The following XXYLT1 variants were observed in gnomAD, a reference collection of about 807,000 sequenced individuals.
XXYLT1 encodes UDP-xylose:alpha-xyloside alpha-1,3-xylosyltransferase.
In XXYLT1, 20 loss-of-function variants were observed where a neutral mutation model predicts 28.9. The observed-to-expected ratio is 0.69, with a 90% CI of 0.49 to 1.00. The LOEUF (loss-of-function observed/expected upper bound fraction) is 1.00. Among genes scored for constraint, XXYLT1 ranks in the 50% least tolerant of loss-of-function variants. The pLI, the probability that XXYLT1 is intolerant of heterozygous loss-of-function variation, is 0.00. For synonymous variants in XXYLT1, 257 were observed against 253.8 expected (o/e 1.01, Z -0.12); for missense variants, 542 against 560.1 (o/e 0.97, Z 0.33).
In XXYLT1 at chr3:195,244,810, C is replaced by T. The variant is rs576447265; in HGVS notation, c.505-17954G>A. On this transcript the variant is annotated intron_variant, in intron 1 of 3. Coordinates refer to ENST00000310380, the MANE Select transcript of XXYLT1 (RefSeq NM_152531.5). ...CATGTTTCATTTAAAAATTTTTAAACTTTAGATCATTATGACAAATACAAC... is the reference window on the plus strand; with the variant it reads ...CATGTTTCATTTAAAAATTTTTAAATTTTAGATCATTATGACAAATACAAC... Among the ~76,000 whole-genome samples the T allele has an allele frequency of 2.4e-5, 3 of 125,386 alleles. No homozygotes were observed. In the South Asian group the frequency reaches 8.6e-4, roughly 36 times the overall value. 82.3% of individuals were successfully genotyped at this position (125,386 alleles called of 152,430 possible). A position where few individuals can be genotyped will look rare whatever the true frequency, so the allele number is the denominator to read the frequency against.
rs183852276 is a variant in XXYLT1, at chr3:195,098,478, G to A, written c.786-28367C>T. On this transcript the variant is annotated intron_variant, in intron 3 of 3. Coordinates refer to ENST00000310380, the MANE Select transcript of XXYLT1 (RefSeq NM_152531.5). ...TGAGGCAGGAGAATGGCGTGAACCC[G>A]GGAGGCGGAGCTTGCAGTGAGCGGA... Among the ~76,000 whole-genome samples the A allele has an allele frequency of 7.1e-3, 1,079 of 152,316 alleles. 11 individuals are homozygous for A. The highest frequency in any genetic ancestry group is 0.024 in the African/African-American group (1,009 of 41,560).
At position 195,069,774 on chromosome 3, in the gene XXYLT1, A is replaced by G; in HGVS notation, c.1123T>C (p.Cys375Arg). 1 of 1,614,056 alleles carries G rather than the reference A, an allele frequency of 6.2e-7. No individual in the cohort carries two copies. The highest frequency in any genetic ancestry group is 8.5e-7 in the Non-Finnish European group (1 of 1,180,010). The change falls in exon 4 of 4, where the codon TGT becomes CGT. Residue 375 changes from cysteine (C) to arginine (R), a missense_variant. Cys to Arg is a radical substitution (Grantham distance 180). Transcript: ENST00000310380. Reference protein sequence around the residue: ...YSDVFEAYFRCEGHVKIYHGN... With the variant: ...YSDVFEAYFRREGHVKIYHGN... Reference sequence around the variant, plus strand: ...TGGTAGATCTTGACGTGGCCCTCACACCTGAAATAGGCCTCGAAGACGTCA... The same window carrying G: ...TGGTAGATCTTGACGTGGCCCTCACGCCTGAAATAGGCCTCGAAGACGTCA...
chr3:195,073,092 C>T (rs879770464), intron 3 of XXYLT1, among the ~76,000 whole-genome samples: 26 of 152,356 alleles, frequency 1.7e-4, no homozygotes, highest in Non-Finnish European at 3.7e-4. Context: ...AGAAAGGGAA[C>T]AGAGGTCCTC....
At chr3:195,138,399 A>G (rs1483802197) in intron 3 of XXYLT1, among the ~76,000 whole-genome samples, 1 of 152,180 alleles carries the variant, frequency 6.6e-6, no homozygotes, top group East Asian at 1.9e-4. Context: ...GTCCTTGACT[A>G]ATAAGGTCAT....
intron 2 of XXYLT1, among the ~76,000 whole-genome samples, chr3:195,159,932 CG>C (rs950805081): frequency 3.3e-5 from 5 of 152,132 alleles, no homozygotes; most frequent in African/African-American, 1.2e-4. Context: ...TCTGTCAAAG[CG>C]CTCTTCTCCA....
rs528470080 is a variant in XXYLT1 at position 195,176,526 on chromosome 3, C to T, written c.653-19945G>A. Reference sequence around the variant, plus strand: ...TTCAAACACAACAATCTTGCTTGTGCGCCATCAGTACGTTCCACCCCTCTG... The same window carrying T: ...TTCAAACACAACAATCTTGCTTGTGTGCCATCAGTACGTTCCACCCCTCTG... On this transcript the variant is annotated intron_variant, in intron 2 of 3. Coordinates refer to ENST00000310380, the MANE Select transcript of XXYLT1 (RefSeq NM_152531.5). The surrounding 1 kb of genome is among the most constrained non-coding windows in gnomAD (Gnocchi z 4.9). 1.5e-4 allele frequency among the ~76,000 whole-genome samples: 23 copies of T among 152,264 alleles called. No individual in the cohort carries two copies. Among genetic ancestry groups the T allele is most frequent in the Middle Eastern group, 3.4e-3 (1 of 294 alleles).
chr3:195,243,512 G>A (rs776192613), intron 1 of XXYLT1, among the ~76,000 whole-genome samples: 17 of 151,910 alleles, frequency 1.1e-4, no homozygotes, highest in Non-Finnish European at 1.6e-4. Context: ...ATTTATGTCT[G>A]AAATTATATC....
chr3:195,106,656 G>A (rs1717111412), intron 3 of XXYLT1, among the ~76,000 whole-genome samples: 1 of 152,254 alleles, frequency 6.6e-6, no homozygotes, highest in South Asian at 2.1e-4. Flanking sequence ...AGAGCGGGAG[G>A]GGCCTGGGGC....
intron 3 of XXYLT1, among the ~76,000 whole-genome samples, chr3:195,088,235 C>T (rs1715888044): frequency 6.6e-6 from 1 of 151,430 alleles, no homozygotes; most frequent in African/African-American, 2.4e-5. Flanking sequence ...GGGGGCAGGG[C>T]ACAGACAAAC....
At chr3:195,251,622 G>T (rs1725258762) in intron 1 of XXYLT1, among the ~76,000 whole-genome samples, 1 of 152,198 alleles carries the variant, frequency 6.6e-6, no homozygotes, top group Non-Finnish European at 1.5e-5. Context: ...TGTCTGCACA[G>T]CCAGGAAGTC....
intron 2 of XXYLT1, among the ~76,000 whole-genome samples, chr3:195,177,902 T>A (rs1721751372): frequency 7.1e-6 from 1 of 141,348 alleles, no homozygotes; most frequent in Non-Finnish European, 1.5e-5. Flanking sequence ...GCCACCGCAC[T>A]CCAGCCTGAG....
At chr3:195,235,297 G>C (rs2108814593) in intron 1 of XXYLT1, among the ~76,000 whole-genome samples, 1 of 152,200 alleles carries the variant, frequency 6.6e-6, no homozygotes, top group African/African-American at 2.4e-5. Context: ...ACTATTAGGA[G>C]ATTCTGATGC....
intron 3 of XXYLT1, among the ~76,000 whole-genome samples, chr3:195,151,639 A>G (rs1720266719): frequency 6.6e-6 from 1 of 152,160 alleles, no homozygotes; most frequent in African/African-American, 2.4e-5. Flanking sequence ...ATTTAGTATA[A>G]ATAAACGATT....
intron 1 of XXYLT1, among the ~76,000 whole-genome samples, chr3:195,242,225 C>CG (rs1231831524): frequency 6.6e-6 from 1 of 152,180 alleles, no homozygotes; most frequent in Non-Finnish European, 1.5e-5. Context: ...GCATCTCCCC[C>CG]GGGCATGTCA....
In XXYLT1 at chr3:195,177,926, C is replaced by A. The variant is rs150920040; in HGVS notation, c.653-21345G>T. On this transcript the variant is annotated intron_variant, in intron 2 of 3. Coordinates refer to ENST00000310380, the MANE Select transcript of XXYLT1 (RefSeq NM_152531.5). ...CTCCAGCCTGAGTGACAGAGCAAGG[C>A]TCTGTCTCTTAAAAAAAAAAAAAAA... 8.7e-3 allele frequency among the ~76,000 whole-genome samples: 1,204 copies of A among 138,278 alleles called. 20 individuals carry two copies. The highest frequency in any genetic ancestry group is 0.033 in the African/African-American group (1,146 of 34,800). The allele number at this position is 138,278 out of a possible 152,430, so 90.7% of individuals were successfully genotyped here.
chr3:195,202,505 G>A (rs550363932), intron 2 of XXYLT1, among the ~76,000 whole-genome samples: 1 of 151,842 alleles, frequency 6.6e-6, no homozygotes, highest in East Asian at 1.9e-4. Context: ...ACCACATGCT[G>A]TCCAATATTA....
chr3:195,070,080 G>A lies in XXYLT1; in HGVS notation c.817C>T (p.Pro273Ser). The stretch of plus-strand genomic sequence containing the variant: ...GGCGGGCCCCCAACCCGGGTCTGGG[G>A]GTTCTCATGGCGGAACTGCCAGAAT... Reference protein sequence around the residue: ...HTFWQFRHENPQTRVGGPPPE... With the variant: ...HTFWQFRHENSQTRVGGPPPE... Residue 273 changes from proline (P) to serine (S), a missense_variant, in exon 4 of 4, where the codon CCC (proline) becomes TCC (serine). Pro to Ser is a moderately conservative substitution (Grantham distance 74, BLOSUM62 -1). Coordinates refer to ENST00000310380, the MANE Select transcript of XXYLT1 (RefSeq NM_152531.5). 6.3e-7 allele frequency: 1 copy of A among 1,584,466 alleles called. No individual in the cohort carries two copies. The highest frequency in any genetic ancestry group is 8.5e-7 in the Non-Finnish European group (1 of 1,172,868).
At chr3:195,164,955 T>G (rs973176225) in intron 2 of XXYLT1, among the ~76,000 whole-genome samples, 32 of 152,242 alleles carry the variant, frequency 2.1e-4, no homozygotes, top group African/African-American at 7.7e-4. Context: ...TGGGGACTTC[T>G]GCTCCATTGG....
rs1214014978 is a variant in XXYLT1 at position 195,110,241 on chromosome 3, C to G, written c.786-40130G>C. Reference sequence around the variant, plus strand: ...GTGTGGTGTATAAGTGTGTGGTGTGCGTGTGTGGGTGAAGTGTGTGTGGGT... The same window carrying G: ...GTGTGGTGTATAAGTGTGTGGTGTGGGTGTGTGGGTGAAGTGTGTGTGGGT... On this transcript the variant is annotated intron_variant, in intron 3 of 3. Coordinates refer to ENST00000310380, the MANE Select transcript of XXYLT1 (RefSeq NM_152531.5). Among the ~76,000 whole-genome samples the G allele has an allele frequency of 7.1e-3, 11 of 1,552 alleles. 3 individuals are homozygous for G. Among genetic ancestry groups the G allele is most frequent in the African/African-American group, 0.021 (11 of 536 alleles). The allele number at this position is 1,552 out of a possible 152,430, so 1.0% of individuals were successfully genotyped here.
Sources: allele counts gnomAD v4.1 joint callset (sites outside exome capture counted in the v4.1 genomes callset), GRCh38; gene constraint gnomAD v4.1.1; non-coding constraint Gnocchi (gnomAD v3.1); transcripts MANE v1.5; gene names NCBI Gene and HGNC (gene_info 2026-07-23, HGNC 2026-07-21).